Variants in TMCC1 observed in about 807,000 individuals in gnomAD.
TMCC1 encodes the protein transmembrane and coiled-coil domains protein 1.
A neutral mutation model predicts 52.4 loss-of-function variants in TMCC1; 15 were observed. That is an observed-to-expected ratio of 0.29 (90% CI 0.19 to 0.44). The LOEUF is 0.44. TMCC1 is among the 20% of genes least tolerant of loss of function. The probability of loss-of-function intolerance (pLI) is 1.00; values close to 1 mark genes in which losing one functional copy is unlikely to be tolerated. For synonymous variants in TMCC1, 279 were observed against 301.9 expected, an observed-to-expected ratio of 0.92 and a Z score of 0.79; for missense variants, 503 against 806.0, an observed-to-expected ratio of 0.62 and a Z score of 4.55.
intron 1 of TMCC1, chr3:129,893,164 C>T (rs1290425563): frequency 6.6e-6 from 1 of 152,312 alleles, no homozygotes. Flanking sequence ...CCCGACTTCT[C>T]ACACGCCCCT....
At chr3:129,675,961 T>C (rs567516254) in intron 4 of TMCC1, among the ~76,000 whole-genome samples, 2 of 137,484 alleles carry the variant, frequency 1.5e-5, no homozygotes, top group Admixed American at 1.7e-4. Flanking sequence ...GGCGTGAACC[T>C]GGGAGGCACA....
intron 4 of TMCC1, among the ~76,000 whole-genome samples, chr3:129,674,115 C>T (rs2088197665): frequency 6.6e-6 from 1 of 152,234 alleles, no homozygotes; most frequent in African/African-American, 2.4e-5. Context: ...TGTGTAAGCA[C>T]ACTCAGCGAT....
intron 4 of TMCC1, among the ~76,000 whole-genome samples, chr3:129,809,530 G>C (rs1047403299): frequency 6.6e-6 from 1 of 152,132 alleles, no homozygotes; most frequent in Admixed American, 6.5e-5. Context: ...CCTTTGTCAG[G>C]ATGCATTTCA....
chr3:129,845,456 T>C (rs1300771982), intron 2 of TMCC1, among the ~76,000 whole-genome samples: 2 of 152,154 alleles, frequency 1.3e-5, no homozygotes, highest in Non-Finnish European at 2.9e-5. Flanking sequence ...TATACTTATC[T>C]CAAAATGAAG....
At chr3:129,868,316 GA>G (rs1483178882) in intron 2 of TMCC1, among the ~76,000 whole-genome samples, 1 of 152,116 alleles carries the variant, frequency 6.6e-6, no homozygotes, top group African/African-American at 2.4e-5. Context: ...ATTCCTGGCA[GA>G]AAAAAATTAT....
At chr3:129,756,142 T>C (rs1015780260) in intron 4 of TMCC1, among the ~76,000 whole-genome samples, 3 of 151,158 alleles carry the variant, frequency 2.0e-5, no homozygotes, top group Non-Finnish European at 4.4e-5. Context: ...AAAAAGAAAC[T>C]GACATACTGT....
chr3:129,827,648 A>C, intron 4 of TMCC1, 155 bp downstream of exon 4: 1 of 781,266 alleles, frequency 1.3e-6, no homozygotes, highest in South Asian at 1.9e-5. Flanking sequence ...CATTAGCTAT[A>C]ATTATTATTT....
chr3:129,728,314 C>G (rs1411324816), intron 4 of TMCC1, among the ~76,000 whole-genome samples: 1 of 152,134 alleles, frequency 6.6e-6, no homozygotes, highest in Non-Finnish European at 1.5e-5. Context: ...GAGATGGAGT[C>G]TTGCTCTGTC....
intron 2 of TMCC1, among the ~76,000 whole-genome samples, chr3:129,849,419 G>A (rs1004983421): frequency 7.9e-5 from 12 of 151,066 alleles, no homozygotes; most frequent in African/African-American, 2.4e-4. Context: ...GAGATTGCAT[G>A]CCACTGCACT....
intron 4 of TMCC1, among the ~76,000 whole-genome samples, chr3:129,677,505 A>G (rs766403330): frequency 3.3e-5 from 5 of 152,272 alleles, no homozygotes; most frequent in East Asian, 1.9e-4. Flanking sequence ...GAACTGCTCA[A>G]TAAGTTCTCC....
At chr3:129,763,291 C>G (rs2053787181) in intron 4 of TMCC1, among the ~76,000 whole-genome samples, 1 of 145,956 alleles carries the variant, frequency 6.9e-6, no homozygotes, top group African/African-American at 2.5e-5. Context: ...GCCAGTAATT[C>G]CTGTACTTTG....
At chr3:129,806,340 G>A (rs1289745802) in intron 4 of TMCC1, among the ~76,000 whole-genome samples, 3 of 152,194 alleles carry the variant, frequency 2.0e-5, no homozygotes, top group Admixed American at 2.0e-4. Flanking sequence ...ATCATTCTGA[G>A]GACAGATAGA....
intron 2 of TMCC1, among the ~76,000 whole-genome samples, chr3:129,841,584 A>AAAT (rs370617810): frequency 1.1e-3 from 174 of 152,192 alleles, no homozygotes; most frequent in African/African-American, 3.0e-3. Flanking sequence ...CTCCCTCTCA[A>AAAT]AATAATAATA....
chr3:129,887,340 G>A (rs566297397), intron 1 of TMCC1, among the ~76,000 whole-genome samples: 3 of 151,718 alleles, frequency 2.0e-5, no homozygotes, highest in South Asian at 2.1e-4. Context: ...TCAAGAGATC[G>A]AGACCACCCT....
At chr3:129,669,435 A>C (rs1203157315) in intron 5 of TMCC1, among the ~76,000 whole-genome samples, 2 of 151,796 alleles carry the variant, frequency 1.3e-5, no homozygotes, top group Non-Finnish European at 1.5e-5. Context: ...CTTAGAAAAA[A>C]ATTTTTTTTT....
intron 4 of TMCC1, among the ~76,000 whole-genome samples, chr3:129,778,676 G>GA (rs375982898): frequency 6.6e-6 from 1 of 150,720 alleles, no homozygotes; most frequent in Non-Finnish European, 1.5e-5. Context: ...GATCATGGTG[G>GA]GGGGGGGGCA....
chr3:129,675,605 G>T (rs905000805), intron 4 of TMCC1, among the ~76,000 whole-genome samples: 2 of 152,074 alleles, frequency 1.3e-5, no homozygotes, highest in Non-Finnish European at 2.9e-5. Context: ...CACATTTCAG[G>T]CATGAACAAG....
intron 4 of TMCC1, among the ~76,000 whole-genome samples, chr3:129,737,188 C>T (rs1029369161): frequency 5.3e-5 from 8 of 151,942 alleles, no homozygotes; most frequent in Admixed American, 2.0e-4. Flanking sequence ...AGAGGGGGGC[C>T]GGGCGTGGTG....
At position 129,760,401 on chromosome 3, in the gene TMCC1, A is replaced by AGTGTGT. The variant is rs200322394; in HGVS notation, c.576+67396_576+67401dup. 6.2e-3 allele frequency among the ~76,000 whole-genome samples: 853 copies of AGTGTGT among 137,964 alleles called. 13 individuals are homozygous for AGTGTGT. Among genetic ancestry groups the AGTGTGT allele is most frequent in the African/African-American group, 0.021 (765 of 36,548 alleles). 90.5% of individuals were successfully genotyped at this position (137,964 alleles called of 152,430 possible). ...CAGCAGCGTGCTACCACGCCAGGCT[A>AGTGTGT]GTGTGTGTGTGTGTGTGTGTGTGTG... On this transcript the variant is annotated intron_variant, in intron 4 of 6. Coordinates refer to ENST00000393238, the MANE Select transcript of TMCC1 (RefSeq NM_001017395.5).
Sources: allele counts gnomAD v4.1 joint callset (sites outside exome capture counted in the v4.1 genomes callset), GRCh38; gene constraint gnomAD v4.1.1; transcripts MANE v1.5; gene names NCBI Gene and HGNC (gene_info 2026-07-23, HGNC 2026-07-21).